TTC23L: variants seen among roughly 807,000 people sequenced by gnomAD.
TTC23L encodes the protein tetratricopeptide repeat protein 23-like.
A neutral mutation model predicts 48.1 loss-of-function variants in TTC23L; 42 were observed. The ratio of observed to expected loss-of-function variants is 0.87; its 90% CI spans 0.68 to 1.13. The LOEUF is 1.13. TTC23L is among the 50% of genes most tolerant of loss of function. The pLI is 0.00. For missense variants in TTC23L, 391 were observed against 421.0 expected, an observed-to-expected ratio of 0.93 and a Z score of 0.62; for synonymous variants, 159 against 157.2, an observed-to-expected ratio of 1.01 and a Z score of -0.09.
At chr5:34,915,753 G>A in the TTC23L span, 14 of 1,603,658 alleles carry the variant, frequency 8.7e-6, 1 homozygote, top group South Asian at 1.0e-4. Context: ...CGGCAACCAA[G>A]AGGAAACGGC....
chr5:34,891,412 G>T (rs576894461), intron 9 of TTC23L, among the ~76,000 whole-genome samples: 5 of 152,242 alleles, frequency 3.3e-5, no homozygotes, highest in Admixed American at 3.3e-4. Flanking sequence ...ATAAAATCAT[G>T]TCTATAACAT....
chr5:34,894,330 A>G (rs987130986), intron 9 of TTC23L, among the ~76,000 whole-genome samples: 2 of 152,222 alleles, frequency 1.3e-5, no homozygotes, highest in Non-Finnish European at 2.9e-5. Flanking sequence ...TTATTGCCAT[A>G]TAATATGGTC....
downstream of TTC23L, among the ~76,000 whole-genome samples, chr5:34,900,798 G>C (rs374325714): frequency 6.6e-6 from 1 of 152,216 alleles, no homozygotes; most frequent in African/African-American, 2.4e-5. Context: ...AATCTCGAGA[G>C]AGTACTTTTT....
intron 6 of TTC23L, among the ~76,000 whole-genome samples, chr5:34,865,224 A>G (rs905595375): frequency 2.8e-4 from 43 of 152,338 alleles, no homozygotes; most frequent in Non-Finnish European, 5.9e-4. Context: ...AGATTTTTCA[A>G]ATATCTTTAC....
chr5:34,911,803 G>A, the TTC23L span: 6 of 1,614,110 alleles, frequency 3.7e-6, no homozygotes, highest in Non-Finnish European at 5.1e-6. Flanking sequence ...TCGAAGTGCA[G>A]TTAAAGTCCC....
At chr5:34,924,351 A>T in the TTC23L span, among the ~76,000 whole-genome samples, 1 of 152,228 alleles carries the variant, frequency 6.6e-6, no homozygotes, top group South Asian at 2.1e-4. Flanking sequence ...GCCTGAACTA[A>T]TAGATAACAT....
chr5:34,925,393 G>C, the TTC23L span: 1 of 1,613,526 alleles, frequency 6.2e-7, no homozygotes, highest in South Asian at 1.1e-5. Context: ...AAATACAGTG[G>C]GTAAAACCAG....
At position 34,839,939 on chromosome 5, in the gene TTC23L, G is replaced by T. The variant is rs911899083; in HGVS notation, c.-8+680G>T. Among the ~76,000 whole-genome samples, 4 of 152,294 alleles carry T rather than the reference G, an allele frequency of 2.6e-5. No individual in the cohort carries two copies. The East Asian group carries it at 5.8e-4, about 22-fold the overall frequency. On this transcript the variant is annotated intron_variant, in intron 1 of 10. Transcript: ENST00000505624. ...TTATTTTATTTTGAGACGGAGTCTC[G>T]CTCTGTCGCCCAGGCTGGAGTGCAG...
chr5:34,911,630 G>A, the TTC23L span: 5 of 1,614,060 alleles, frequency 3.1e-6, no homozygotes, highest in South Asian at 2.2e-5. Flanking sequence ...AATGCTTCAC[G>A]GAGCCCCTCT....
intron 8 of TTC23L, among the ~76,000 whole-genome samples, chr5:34,874,547 T>A (rs1452615345): frequency 6.6e-6 from 1 of 151,922 alleles, no homozygotes; most frequent in Non-Finnish European, 1.5e-5. Flanking sequence ...AACTGGAATA[T>A]ATGAAATGCT....
intron 7 of TTC23L, 119 bp downstream of exon 7, chr5:34,867,188 A>T (rs1376591572): frequency 9.1e-7 from 1 of 1,097,902 alleles, no homozygotes; most frequent in South Asian, 1.4e-5. Context: ...TTCTGTTTTA[A>T]CCCTGACTTT....
At chr5:34,908,786 T>A in the TTC23L span, 25 of 1,603,374 alleles carry the variant, frequency 1.6e-5, no homozygotes, top group Non-Finnish European at 2.1e-5. Context: ...ATTCAGGAAC[T>A]TCTTCATCAG....
At chr5:34,915,677 T>C in the TTC23L span, 1 of 1,499,280 alleles carries the variant, frequency 6.7e-7, no homozygotes, top group Non-Finnish European at 8.9e-7. Flanking sequence ...ACCATAGAGA[T>C]CGGAAATAGG....
rs781135854 is a variant in TTC23L at position 34,851,793 on chromosome 5, T to C, written c.379+1485T>C. Among the ~76,000 whole-genome samples, 79 of 152,320 alleles carry C rather than the reference T, an allele frequency of 5.2e-4. 1 individual carries two copies. Among genetic ancestry groups the C allele is most frequent in the Non-Finnish European group, 8.2e-4 (56 of 68,022 alleles). On this transcript the variant is annotated intron_variant, in intron 4 of 10. Transcript: ENST00000505624. ...TAGGGATTTACTCCTTCAGTACTTA[T>C]GGAGTTCTTGTTATAAGCCTGGTGG...
At chr5:34,840,738 A>ATTT (rs747776972) in exon 2 of TTC23L, 17 of 1,611,352 alleles carry the variant, frequency 1.1e-5, no homozygotes, top group Non-Finnish European at 1.4e-5. Context: ...CTGCTTCCAT[A>ATTT]TGTAAGTATC....
intron 6 of TTC23L, among the ~76,000 whole-genome samples, 154 bp from the exon 7 acceptor site, chr5:34,866,738 G>C (rs1761073987): frequency 6.6e-6 from 1 of 152,220 alleles, no homozygotes. Flanking sequence ...AGGATAATTG[G>C]AGTTTATTTA....
downstream of TTC23L, among the ~76,000 whole-genome samples, chr5:34,902,072 T>G (rs1763524093): frequency 6.6e-6 from 1 of 152,198 alleles, no homozygotes; most frequent in Non-Finnish European, 1.5e-5. Flanking sequence ...GGGTTTGCAC[T>G]ATAAATAACT....
At chr5:34,921,907 CAAAAAAAAAAAA>C in the TTC23L span, 1 of 35,304 alleles carries the variant, frequency 2.8e-5, no homozygotes, top group African/African-American at 9.7e-5. Context: ...AACTGCATCG[CAAAAAAAAAAAA>C]AAAAAAAAGG....
intron 9 of TTC23L, 23 bp downstream of exon 9, chr5:34,880,331 C>A (rs1468476981): frequency 1.3e-6 from 2 of 1,589,684 alleles, no homozygotes; most frequent in South Asian, 2.3e-5. Flanking sequence ...AATGCATAAA[C>A]AGAATTGCTA....
Sources: allele counts gnomAD v4.1 joint callset (sites outside exome capture counted in the v4.1 genomes callset), GRCh38; gene constraint gnomAD v4.1.1; transcripts MANE v1.5; gene names NCBI Gene and HGNC (gene_info 2026-07-23, HGNC 2026-07-21).